Variants in ATP6V0A1 observed in about 807,000 individuals in gnomAD.
The protein encoded by ATP6V0A1 is ATPase H+ transporting V0 subunit a1, also known as V-type proton ATPase 116 kDa subunit a 1.
In ATP6V0A1, 43 loss-of-function variants were observed where a neutral mutation model predicts 105.4. That is an observed-to-expected ratio of 0.41 (90% confidence interval 0.32 to 0.53). ATP6V0A1 has a LOEUF of 0.53. Ranked by LOEUF, ATP6V0A1 falls within the 20% of genes least tolerant of loss-of-function variation. The pLI is 0.30. For synonymous variants in ATP6V0A1, 362 were observed against 372.8 expected (o/e 0.97, Z 0.33); for missense variants, 676 against 1,051.1 (o/e 0.64, Z 4.93).
rs143285053 is a variant in ATP6V0A1, at chr17:42,482,855, C to T, written c.717-183C>T. 5.3e-3 allele frequency among the ~76,000 whole-genome samples: 764 copies of T among 145,430 alleles called. 4 individuals carry two copies. Among genetic ancestry groups the T allele is most frequent in the Non-Finnish European group, 8.7e-3 (582 of 67,162 alleles). On this transcript the variant is annotated intron_variant, in intron 8 of 21. Coordinates refer to ENST00000343619, the MANE Select transcript of ATP6V0A1 (RefSeq NM_001130021.3). ...AGGTTGCAGTGAGCTGAGATCGTGC[C>T]ACTTCACTCCAGCCTGGGTGACAGA...
In ATP6V0A1 at chr17:42,495,301, C is replaced by T. The variant is rs1285847863; in HGVS notation, c.1469+113C>T. The T allele has an allele frequency of 2.7e-6, 3 of 1,101,722 alleles. No individual in the cohort carries two copies. In the East Asian group the frequency reaches 7.1e-5, roughly 26 times the overall value. The allele number at this position is 1,101,722 out of a possible 1,614,324, so 68.2% of individuals were successfully genotyped here. A position where few individuals can be genotyped will look rare whatever the true frequency, so the allele number is the denominator to read the frequency against. ...TTAGGAAGTGGTGACAGTGTCTCCT[C>T]ATTCATGCTCCACACTGTGAGTTGC... On this transcript the variant is annotated intron_variant, in intron 13 of 21. Coordinates refer to ENST00000343619, the MANE Select transcript of ATP6V0A1 (RefSeq NM_001130021.3).
chr17:42,485,614 G>T (rs1410023294), intron 9 of ATP6V0A1, among the ~76,000 whole-genome samples: 4 of 152,106 alleles, frequency 2.6e-5, no homozygotes, highest in African/African-American at 9.7e-5. Context: ...GAATGCAGTG[G>T]CACAATCTTG....
At chr17:42,470,257 A>G in intron 5 of ATP6V0A1, 39 bp downstream of exon 5, 2 of 1,604,406 alleles carry the variant, frequency 1.2e-6, no homozygotes, top group East Asian at 2.2e-5. Flanking sequence ...AGCAGCTGAT[A>G]TTATACTCAC....
intron 5 of ATP6V0A1, among the ~76,000 whole-genome samples, chr17:42,476,280 T>A (rs2088728503): frequency 6.6e-6 from 1 of 152,218 alleles, no homozygotes; most frequent in South Asian, 2.1e-4. Flanking sequence ...TGCTTTCTAT[T>A]TTTTAGGCCT....
intron 9 of ATP6V0A1, among the ~76,000 whole-genome samples, chr17:42,486,382 G>A (rs1002167566): frequency 2.6e-5 from 4 of 151,950 alleles, no homozygotes; most frequent in Non-Finnish European, 4.4e-5. Flanking sequence ...CTGCACTCCA[G>A]CCTGGGCCAC....
At chr17:42,515,295 C>A (rs902701910) in intron 21 of ATP6V0A1, among the ~76,000 whole-genome samples, 1 of 147,004 alleles carries the variant, frequency 6.8e-6, no homozygotes, top group African/African-American at 2.5e-5. Context: ...GGTAAAACCC[C>A]GTCTCTACTA....
intron 7 of ATP6V0A1, chr17:42,480,218 G>A (rs1188717367): frequency 3.3e-5 from 5 of 152,210 alleles, no homozygotes; most frequent in African/African-American, 1.2e-4. Context: ...AGCTTGAATT[G>A]TGAGATTCTA....
chr17:42,501,306 T>G lies in ATP6V0A1; in HGVS notation c.2004+2T>G. The G allele has an allele frequency of 3.7e-6, 6 of 1,610,218 alleles. No homozygotes were observed. Among genetic ancestry groups the G allele is most frequent in the Non-Finnish European group, 4.2e-6 (5 of 1,176,822 alleles). ...CAGTATTTGAGGAGAAAGCATTTGG[T>G]AGGTGTATTTCTATTGCTAAAAGTT... On this transcript the variant is annotated splice_donor_variant, in intron 17 of 21. Coordinates refer to ENST00000343619, the MANE Select transcript of ATP6V0A1 (RefSeq NM_001130021.3). LOFTEE classifies it high-confidence loss of function.
intron 9 of ATP6V0A1, among the ~76,000 whole-genome samples, chr17:42,484,150 C>T (rs11653901): frequency 0.23 from 35,605 of 151,962 alleles, 4,478 homozygotes; most frequent in Non-Finnish European, 0.28. Context: ...CTCCACCTCC[C>T]GGGTTCACGC....
chr17:42,507,618 C>G lies in ATP6V0A1; in HGVS notation c.2103C>G (p.Asp701Glu), dbSNP rs150332921. The G allele has an allele frequency of 6.2e-7, 1 of 1,613,794 alleles. No homozygotes were observed. The highest frequency in any genetic ancestry group is 2.2e-5 in the East Asian group (1 of 44,868). ...ACCAGCTCTCCACCCACTCAGAGGA[C>G]GCAGACGAGGTAAGATCCCGTGGTG... ...QHDQLSTHSEDADEPSEDEVF... is the reference protein window; with the variant it reads ...QHDQLSTHSEEADEPSEDEVF... Residue 701 changes from aspartate (D) to glutamate (E), a missense_variant, in exon 18 of 22, where the codon GAC becomes GAG. Asp to Glu is a conservative substitution (Grantham distance 45). This residue lies in a region of ATP6V0A1 where 435 missense variants were observed against 642.2 expected (regional missense o/e 0.68). Coordinates refer to ENST00000343619, the MANE Select transcript of ATP6V0A1 (RefSeq NM_001130021.3).
chr17:42,476,585 TTTTTG>T (rs539021195), intron 5 of ATP6V0A1, among the ~76,000 whole-genome samples: 14 of 152,042 alleles, frequency 9.2e-5, no homozygotes, highest in African/African-American at 2.4e-4. Context: ...ATTGGACTGG[TTTTTG>T]TTTTGTTTTG....
chr17:42,514,145 G>A, intron 20 of ATP6V0A1, 144 bp from the exon 21 acceptor site: 2 of 1,288,300 alleles, frequency 1.6e-6, no homozygotes, highest in Non-Finnish European at 2.2e-6. Context: ...CTTGTGCCAG[G>A]TTAGCTCTGC....
intron 11 of ATP6V0A1, among the ~76,000 whole-genome samples, chr17:42,493,319 C>T (rs2090843507): frequency 6.6e-6 from 1 of 152,184 alleles, no homozygotes; most frequent in Non-Finnish European, 1.5e-5. Flanking sequence ...CTGCTTTGCT[C>T]TGGGCTCTCT....
intron 2 of ATP6V0A1, among the ~76,000 whole-genome samples, chr17:42,462,248 A>G (rs560241533): frequency 1.3e-5 from 2 of 151,504 alleles, no homozygotes; most frequent in East Asian, 3.9e-4. Flanking sequence ...TGGGGGGAGT[A>G]TTATAATGAC....
chr17:42,487,946 G>T (rs2090270034), intron 10 of ATP6V0A1, among the ~76,000 whole-genome samples: 1 of 152,066 alleles, frequency 6.6e-6, no homozygotes, highest in Non-Finnish European at 1.5e-5. Flanking sequence ...AAATAATTTG[G>T]TCATATGCCC....
Position 42,498,917 on chromosome 17 carries a change from A to G in ATP6V0A1, c.1561-7A>G. ...TAATACCTATTTGTTTTCTCGGGTT[A>G]TGACAGATTTGGAACATTGCTACCA... On this transcript the variant is annotated splice_polypyrimidine_tract_variant and splice_region_variant and intron_variant, in intron 14 of 21. Transcript: ENST00000343619. 2 of 1,580,264 alleles carry G rather than the reference A, an allele frequency of 1.3e-6. No homozygotes were observed. Among genetic ancestry groups the G allele is most frequent in the Middle Eastern group, 1.7e-4 (1 of 5,988 alleles).
At chr17:42,489,646 A>G (rs1168663114) in intron 10 of ATP6V0A1, among the ~76,000 whole-genome samples, 2 of 152,158 alleles carry the variant, frequency 1.3e-5, no homozygotes, top group Non-Finnish European at 1.5e-5. Context: ...TGAGGCATCA[A>G]AGCTGACTGG....
intron 17 of ATP6V0A1, chr17:42,507,250 G>C (rs949970819): frequency 2.9e-6 from 1 of 349,882 alleles, no homozygotes; most frequent in African/African-American, 2.1e-5. Context: ...ACCCAGGTGA[G>C]GCTGGTGCCT....
Position 42,498,912 on chromosome 17 carries a change from G to T in ATP6V0A1, c.1561-12G>T. On this transcript the variant is annotated splice_polypyrimidine_tract_variant and intron_variant, in intron 14 of 21. Coordinates refer to ENST00000343619, the MANE Select transcript of ATP6V0A1 (RefSeq NM_001130021.3). The stretch of plus-strand genomic sequence containing the variant: ...CTTTATAATACCTATTTGTTTTCTC[G>T]GGTTATGACAGATTTGGAACATTGC... 2 of 1,551,312 alleles carry T rather than the reference G, an allele frequency of 1.3e-6. No individual in the cohort carries two copies. Among genetic ancestry groups the T allele is most frequent in the Non-Finnish European group, 1.8e-6 (2 of 1,128,584 alleles).
Sources: allele counts gnomAD v4.1 joint callset (sites outside exome capture counted in the v4.1 genomes callset), GRCh38; gene constraint gnomAD v4.1.1; regional missense constraint gnomAD v4.1.1; transcripts MANE v1.5; gene names NCBI Gene and HGNC (gene_info 2026-07-23, HGNC 2026-07-21).